The following HS3ST4 variants were observed in gnomAD, a reference collection of about 807,000 sequenced individuals.
HS3ST4 encodes the protein heparan sulfate glucosamine 3-O-sulfotransferase 4.
Under a neutral mutation model 29.2 loss-of-function variants are expected in HS3ST4, and 17 were observed. The observed-to-expected ratio is 0.58, with a 90% CI of 0.40 to 0.87. The LOEUF (loss-of-function observed/expected upper bound fraction) is 0.87. Among genes scored for constraint, HS3ST4 ranks in the 40% least tolerant of loss-of-function variants. The probability of loss-of-function intolerance (pLI) is 0.00; values close to 1 mark genes in which losing one functional copy is unlikely to be tolerated. For missense variants in HS3ST4, 627 were observed against 634.5 expected, an observed-to-expected ratio of 0.99 and a Z score of 0.13; for synonymous variants, 314 against 285.7, an observed-to-expected ratio of 1.10 and a Z score of -1.00.
chr16:25,901,020 C>T (rs1419077281), intron 1 of HS3ST4, among the ~76,000 whole-genome samples: 5 of 152,074 alleles, frequency 3.3e-5, no homozygotes, highest in Non-Finnish European at 5.9e-5. Flanking sequence ...AACCCCTTGG[C>T]GCATCCTTGG....
At chr16:25,931,408 T>C (rs1447943050) in intron 1 of HS3ST4, among the ~76,000 whole-genome samples, 3 of 152,246 alleles carry the variant, frequency 2.0e-5, no homozygotes, top group African/African-American at 7.2e-5. Flanking sequence ...AGGGGATGCA[T>C]TTTTATTTCT....
At chr16:25,821,003 T>G (rs1307028332) in intron 1 of HS3ST4, among the ~76,000 whole-genome samples, 1 of 152,062 alleles carries the variant, frequency 6.6e-6, no homozygotes, top group Non-Finnish European at 1.5e-5. Flanking sequence ...CCCAGAAAGC[T>G]CCTATCAATA....
At chr16:25,877,411 T>C (rs929788672) in intron 1 of HS3ST4, among the ~76,000 whole-genome samples, 2 of 152,190 alleles carry the variant, frequency 1.3e-5, no homozygotes, top group Admixed American at 6.6e-5. Flanking sequence ...AGAGGAATCA[T>C]GTCACCCCAA....
intron 1 of HS3ST4, 51 bp downstream of exon 1, chr16:25,693,202 A>T: frequency 2.0e-6 from 3 of 1,485,446 alleles, no homozygotes; most frequent in Non-Finnish European, 2.7e-6. Context: ...GGAGACGCGG[A>T]GGGGAAGCCG....
At chr16:25,993,609 G>A (rs1015537541) in intron 1 of HS3ST4, among the ~76,000 whole-genome samples, 1 of 151,894 alleles carries the variant, frequency 6.6e-6, no homozygotes, top group Non-Finnish European at 1.5e-5. Context: ...CAGCTTCCTT[G>A]TTTACAAAAT....
chr16:25,877,100 C>T (rs1967840599), intron 1 of HS3ST4, among the ~76,000 whole-genome samples: 1 of 151,790 alleles, frequency 6.6e-6, no homozygotes, highest in Non-Finnish European at 1.5e-5. Context: ...TCTTTCTTTG[C>T]TATTAAATTT....
At chr16:25,967,696 A>C (rs1323625376) in intron 1 of HS3ST4, among the ~76,000 whole-genome samples, 1 of 152,194 alleles carries the variant, frequency 6.6e-6, no homozygotes, top group African/African-American at 2.4e-5. Flanking sequence ...TGATCTGAGA[A>C]TCACCTCCTG....
At chr16:25,880,546 A>G (rs1967883952) in intron 1 of HS3ST4, among the ~76,000 whole-genome samples, 1 of 152,160 alleles carries the variant, frequency 6.6e-6, no homozygotes, top group South Asian at 2.1e-4. Context: ...GGTTTGTGAC[A>G]TCTTTTAAAA....
chr16:25,980,041 C>T (rs1209751506), intron 1 of HS3ST4, among the ~76,000 whole-genome samples: 1 of 152,200 alleles, frequency 6.6e-6, no homozygotes, highest in East Asian at 1.9e-4. Context: ...CCGTCCTGGT[C>T]TTCCTGCCTC....
intron 1 of HS3ST4, among the ~76,000 whole-genome samples, chr16:26,121,852 G>T (rs762134333): frequency 1.3e-5 from 2 of 152,154 alleles, no homozygotes; most frequent in Non-Finnish European, 2.9e-5. Context: ...CTGCAGAGGG[G>T]CACTCTTTGA....
intron 1 of HS3ST4, among the ~76,000 whole-genome samples, chr16:26,056,040 CAGAGAGAGAGAGAGAGAG>C (rs55688033): frequency 1.6e-4 from 24 of 147,952 alleles, no homozygotes; most frequent in Middle Eastern, 3.4e-3. Flanking sequence ...AAGAGAGAGA[CAGAGAGAGAGAGAGAGAG>C]AGAGAGAGAG....
intron 1 of HS3ST4, among the ~76,000 whole-genome samples, chr16:25,932,212 G>A (rs1968471280): frequency 6.6e-6 from 1 of 152,168 alleles, no homozygotes; most frequent in Non-Finnish European, 1.5e-5. Flanking sequence ...TGCTTGGGAG[G>A]CTGAGGTGGG....
chr16:26,007,148 A>T (rs1330359904), intron 1 of HS3ST4, among the ~76,000 whole-genome samples: 1 of 152,248 alleles, frequency 6.6e-6, no homozygotes, highest in Non-Finnish European at 1.5e-5. Context: ...ATATGTCCTC[A>T]CTGACATGTG....
At chr16:25,841,718 A>G (rs1362976568) in intron 1 of HS3ST4, among the ~76,000 whole-genome samples, 5 of 152,156 alleles carry the variant, frequency 3.3e-5, no homozygotes, top group African/African-American at 2.4e-5. Context: ...GTAGGTCTCA[A>G]TTGTCTTCCA....
chr16:25,805,374 G>T (rs957444981), intron 1 of HS3ST4, among the ~76,000 whole-genome samples: 1 of 152,138 alleles, frequency 6.6e-6, no homozygotes, highest in Non-Finnish European at 1.5e-5. Flanking sequence ...TCTTTCGAAG[G>T]CATCTTATCT....
chr16:25,877,784 A>G (rs537071317), intron 1 of HS3ST4, among the ~76,000 whole-genome samples: 38 of 152,268 alleles, frequency 2.5e-4, no homozygotes, highest in African/African-American at 9.1e-4. Context: ...GATGATTCTT[A>G]CTACAGAGAG....
chr16:25,738,062 G>A (rs371774643), intron 1 of HS3ST4, among the ~76,000 whole-genome samples: 1 of 152,010 alleles, frequency 6.6e-6, no homozygotes, highest in East Asian at 1.9e-4. Context: ...GTGCCACCAC[G>A]CCCAGCTAGT....
Position 25,692,978 on chromosome 16 carries a change from C to G in HS3ST4, c.561C>G (p.Val187=). The change falls in exon 1 of 2, where the codon GTC becomes GTG. Residue 187 remains valine (V), a synonymous_variant. Coordinates refer to ENST00000331351, the MANE Select transcript of HS3ST4 (RefSeq NM_006040.3). ...GGAGCAGCGAGAGGGGCGGCGCCGT[C>G]AGCACCCCCGACTATGGGGAGAAGA... is the stretch of plus-strand genomic sequence containing the variant. ...ANGSSERGGA[V]STPDYGEKKL... 1.2e-6 allele frequency: 2 copies of G among 1,611,056 alleles called. No homozygotes were observed. Among genetic ancestry groups the G allele is most frequent in the Non-Finnish European group, 1.7e-6 (2 of 1,179,214 alleles).
At chr16:26,078,856 G>C (rs1898695111) in intron 1 of HS3ST4, among the ~76,000 whole-genome samples, 1 of 152,188 alleles carries the variant, frequency 6.6e-6, no homozygotes, top group Non-Finnish European at 1.5e-5. Context: ...ACGGCTGAAT[G>C]AATCTCTAAC....
Sources: gnomAD v4.1 joint callset for allele counts (sites outside exome capture counted in the v4.1 genomes callset) on GRCh38, gnomAD v4.1.1 for gene constraint, MANE v1.5 for transcripts, NCBI Gene and HGNC (gene_info 2026-07-23, HGNC 2026-07-21) for gene names.